The following NBEA variants were observed in gnomAD, a reference collection of about 807,000 sequenced individuals.
The protein encoded by NBEA is neurobeachin.
Under a neutral mutation model 343.4 loss-of-function variants are expected in NBEA, and 44 were observed. That is an observed-to-expected ratio of 0.13 (90% CI 0.10 to 0.16). The LOEUF (loss-of-function observed/expected upper bound fraction) is 0.16. NBEA is among the 10% of genes least tolerant of loss of function. The pLI, the probability that NBEA is intolerant of heterozygous loss-of-function variation, is 1.00. For missense variants in NBEA, 2,555 were observed against 3,631.3 expected (o/e 0.70, Z 7.62); for synonymous variants, 1,175 against 1,238.7 (o/e 0.95, Z 1.08).
At chr13:35,079,830 A>G (rs1360253568) in intron 10 of NBEA, among the ~76,000 whole-genome samples, 2 of 151,988 alleles carry the variant, frequency 1.3e-5, no homozygotes, top group Non-Finnish European at 2.9e-5. Flanking sequence ...CGTTCCCTAA[A>G]ATTTTACTTC....
At chr13:35,425,825 G>A (rs1402449660) in intron 38 of NBEA, among the ~76,000 whole-genome samples, 1 of 152,278 alleles carries the variant, frequency 6.6e-6, no homozygotes, top group South Asian at 2.1e-4. Context: ...ATGAATCTGG[G>A]TGCTCCTGTA....
At chr13:35,188,639 T>C (rs571646685) in intron 30 of NBEA, among the ~76,000 whole-genome samples, 1 of 152,254 alleles carries the variant, frequency 6.6e-6, no homozygotes, top group South Asian at 2.1e-4. Flanking sequence ...TCTTCGTCAA[T>C]AGACACTTGA....
chr13:35,517,682 C>CCAAT (rs2077537920), intron 41 of NBEA, among the ~76,000 whole-genome samples: 1 of 152,180 alleles, frequency 6.6e-6, no homozygotes, highest in Non-Finnish European at 1.5e-5. Flanking sequence ...TCGCCCCAAA[C>CCAAT]CAATCAAACG....
chr13:35,139,714 C>T (rs1189338377), intron 17 of NBEA, among the ~76,000 whole-genome samples: 1 of 146,026 alleles, frequency 6.8e-6, no homozygotes, highest in East Asian at 2.0e-4. Context: ...AGGGCCAGTG[C>T]ACCATTTCCT....
At chr13:35,485,385 A>C (rs1426622459) in intron 41 of NBEA, among the ~76,000 whole-genome samples, 1 of 151,946 alleles carries the variant, frequency 6.6e-6, no homozygotes, top group Non-Finnish European at 1.5e-5. Context: ...AAACAATTCT[A>C]CCTCTCTAAG....
At chr13:35,241,438 GA>G (rs1241827297) in intron 34 of NBEA, among the ~76,000 whole-genome samples, 1 of 151,740 alleles carries the variant, frequency 6.6e-6, no homozygotes, top group African/African-American at 2.4e-5. Flanking sequence ...CACTGTGGTT[GA>G]AAATCAAATA....
intron 41 of NBEA, among the ~76,000 whole-genome samples, chr13:35,523,349 C>T (rs2077811698): frequency 6.6e-6 from 1 of 152,182 alleles, no homozygotes; most frequent in Non-Finnish European, 1.5e-5. Context: ...ATCAGAACCA[C>T]CGTGCACTTG....
intron 39 of NBEA, among the ~76,000 whole-genome samples, chr13:35,449,927 G>A (rs185521604): frequency 1.3e-4 from 20 of 152,202 alleles, no homozygotes; most frequent in African/African-American, 4.6e-4. Flanking sequence ...TCTAAATGTG[G>A]TTATGTAGTA....
At chr13:35,195,782 T>C in intron 30 of NBEA, 82 bp from the exon 31 acceptor site, 4 of 1,280,614 alleles carry the variant, frequency 3.1e-6, no homozygotes, top group Non-Finnish European at 4.2e-6. Flanking sequence ...TTTTCTTTAT[T>C]TGAATATATG....
intron 38 of NBEA, among the ~76,000 whole-genome samples, chr13:35,422,943 C>T (rs905802060): frequency 6.6e-6 from 1 of 152,144 alleles, no homozygotes; most frequent in African/African-American, 2.4e-5. Context: ...GCATAAATGT[C>T]TTCTTTTGAG....
intron 5 of NBEA, among the ~76,000 whole-genome samples, chr13:35,049,938 G>A (rs1399111669): frequency 6.6e-6 from 1 of 151,606 alleles, no homozygotes; most frequent in South Asian, 2.1e-4. Context: ...TGAACTTTGT[G>A]TAAATGTGTT....
At chr13:35,653,693 C>T (rs776037295) in intron 53 of NBEA, among the ~76,000 whole-genome samples, 11 of 152,254 alleles carry the variant, frequency 7.2e-5, no homozygotes, top group Non-Finnish European at 1.2e-4. Flanking sequence ...AAGATACAGA[C>T]GTTTCAATTA....
At chr13:34,944,897 C>A (rs1197937531) in intron 1 of NBEA, among the ~76,000 whole-genome samples, 1 of 152,034 alleles carries the variant, frequency 6.6e-6, no homozygotes, top group Non-Finnish European at 1.5e-5. Context: ...AATGTATAAC[C>A]AGTTTGGACT....
At chr13:35,588,995 T>C (rs573085271) in intron 46 of NBEA, among the ~76,000 whole-genome samples, 3 of 152,162 alleles carry the variant, frequency 2.0e-5, no homozygotes, top group Non-Finnish European at 4.4e-5. Flanking sequence ...AAAGTATATA[T>C]GTATAGTAGA....
chr13:35,504,039 T>C (rs1216924462), intron 41 of NBEA, among the ~76,000 whole-genome samples: 3 of 152,294 alleles, frequency 2.0e-5, no homozygotes, highest in East Asian at 3.9e-4. Context: ...TGATAAAATA[T>C]ATATTATGCT....
chr13:35,179,933 T>G (rs2071197143), intron 28 of NBEA: 3 of 294,730 alleles, frequency 1.0e-5, no homozygotes, highest in Non-Finnish European at 1.5e-5. Context: ...AAACAGTTTG[T>G]AAGACAAAGT....
At chr13:35,598,045 C>T (rs1443830396) in intron 47 of NBEA, among the ~76,000 whole-genome samples, 1 of 152,156 alleles carries the variant, frequency 6.6e-6, no homozygotes, top group African/African-American at 2.4e-5. Context: ...AGTCCCATCC[C>T]AGTATTTGTA....
chr13:35,212,856 A>AT (rs904409958), intron 33 of NBEA, among the ~76,000 whole-genome samples: 9 of 151,884 alleles, frequency 5.9e-5, no homozygotes, highest in Admixed American at 5.2e-4. Context: ...TCTCTAGTCC[A>AT]TTTTTTTAAA....
chr13:35,262,937 C>T (rs73489537), intron 34 of NBEA, among the ~76,000 whole-genome samples: 2 of 152,210 alleles, frequency 1.3e-5, no homozygotes, highest in South Asian at 4.1e-4. Flanking sequence ...CTATAAAAGT[C>T]CCAATAATGT....
Sources: gnomAD v4.1 joint callset for allele counts (sites outside exome capture counted in the v4.1 genomes callset) on GRCh38, gnomAD v4.1.1 for gene constraint, MANE v1.5 for transcripts, NCBI Gene and HGNC (gene_info 2026-07-23, HGNC 2026-07-21) for gene names.